The following NWD2 variants were observed in gnomAD, a reference collection of about 807,000 sequenced individuals.
The protein encoded by NWD2 is NACHT and WD repeat domain-containing protein 2.
NWD2 carries 37 observed loss-of-function variants against 132.7 expected under a neutral mutation model. That is an observed-to-expected ratio of 0.28 (90% CI 0.21 to 0.37). NWD2 has a LOEUF of 0.37. Among genes scored for constraint, NWD2 ranks in the 10% least tolerant of loss-of-function variants. The pLI is 1.00. For synonymous variants in NWD2, 705 were observed against 803.0 expected, an observed-to-expected ratio of 0.88 and a Z score of 2.06; for missense variants, 1,592 against 2,122.4, an observed-to-expected ratio of 0.75 and a Z score of 4.91.
chr4:37,362,640 C>T (rs1347802330), intron 3 of NWD2, among the ~76,000 whole-genome samples: 2 of 152,128 alleles, frequency 1.3e-5, no homozygotes, highest in Non-Finnish European at 2.9e-5. Flanking sequence ...AATTGGACCC[C>T]TATCCTTCAC....
At chr4:37,302,010 A>C (rs1718621090) in intron 1 of NWD2, among the ~76,000 whole-genome samples, 1 of 151,996 alleles carries the variant, frequency 6.6e-6, no homozygotes, top group Non-Finnish European at 1.5e-5. Context: ...ATACACAATA[A>C]ATTATTGTTA....
chr4:37,359,479 G>A (rs1472034250), intron 3 of NWD2, among the ~76,000 whole-genome samples: 3 of 151,894 alleles, frequency 2.0e-5, no homozygotes, highest in Admixed American at 1.3e-4. Flanking sequence ...CAGTTTCCTC[G>A]CCCAGTGCTC....
chr4:37,446,340 T>C lies in NWD2; in HGVS notation c.4352T>C (p.Val1451Ala). Residue 1451 changes from valine to alanine, a missense_variant, in exon 7 of 7, where the codon GTG (valine) becomes GCG (alanine). Coordinates refer to ENST00000309447, the MANE Select transcript of NWD2 (RefSeq NM_001144990.2). This position sits in a 1 kb window ranked among gnomAD's most constrained non-coding sequence, Gnocchi z 6.7. ...NAFITSANTF[V>A]VGMTKSKVLA... is the part of the protein sequence containing the mutation. ...TTTATTACCTCCGCAAATACCTTCGTGGTGGGAATGACTAAAAGCAAAGTG... is the reference window on the plus strand; with the variant it reads ...TTTATTACCTCCGCAAATACCTTCGCGGTGGGAATGACTAAAAGCAAAGTG... The C allele has an allele frequency of 6.4e-7, 1 of 1,551,864 alleles. No individual in the cohort carries two copies.
chr4:37,430,983 G>C (rs935342395), intron 4 of NWD2, among the ~76,000 whole-genome samples: 1 of 152,132 alleles, frequency 6.6e-6, no homozygotes, highest in Admixed American at 6.6e-5. Flanking sequence ...CTTTACACCT[G>C]TTAGGATGGC....
intron 2 of NWD2, among the ~76,000 whole-genome samples, chr4:37,344,241 G>A (rs549911324): frequency 1.1e-4 from 17 of 152,192 alleles, no homozygotes; most frequent in Admixed American, 7.2e-4. Context: ...TTGATCATGC[G>A]GATATATGGC....
chr4:37,340,726 C>A (rs1719503366), intron 2 of NWD2, among the ~76,000 whole-genome samples: 1 of 152,210 alleles, frequency 6.6e-6, no homozygotes, highest in Admixed American at 6.5e-5. Flanking sequence ...CATACTTTCA[C>A]AGGCAAATCT....
chr4:37,419,737 A>G (rs901499553), intron 3 of NWD2, among the ~76,000 whole-genome samples: 9 of 152,196 alleles, frequency 5.9e-5, no homozygotes, highest in African/African-American at 2.2e-4. Context: ...CTTAGAGCAG[A>G]CTTACGTACC....
chr4:37,396,926 G>A (rs188716802), intron 3 of NWD2, among the ~76,000 whole-genome samples: 172 of 152,210 alleles, frequency 1.1e-3, no homozygotes, highest in African/African-American at 3.6e-3. Context: ...CCAGCTACTC[G>A]GGAGGCTGAA....
intron 3 of NWD2, among the ~76,000 whole-genome samples, chr4:37,414,899 T>G (rs1208374491): frequency 6.6e-6 from 1 of 152,182 alleles, no homozygotes; most frequent in Non-Finnish European, 1.5e-5. Flanking sequence ...CATTGTTGGA[T>G]TCTATATTTT....
intron 1 of NWD2, among the ~76,000 whole-genome samples, chr4:37,275,813 A>T (rs959291248): frequency 3.9e-5 from 6 of 152,170 alleles, no homozygotes; most frequent in African/African-American, 1.4e-4. Flanking sequence ...CAACTATCTG[A>T]TCTTTGACAA....
In NWD2 at chr4:37,439,152, T is replaced by C; in HGVS notation, c.1058T>C (p.Ile353Thr). ...GKQFYEDMID[I>T]IQATIQQNFD... is the part of the protein sequence containing the mutation. ...CAATTTTATGAGGACATGATTGATA[T>C]AATTCAGGCAACGATACAACAGAAT... is the stretch of plus-strand genomic sequence containing the variant. Residue 353 changes from isoleucine (I) to threonine (T), a missense_variant, in exon 6 of 7, where the codon ATA (isoleucine) becomes ACA (threonine). Around this residue, in one of 7 missense-constraint regions of NWD2, gnomAD observed 1,071 missense variants for 1,398.0 expected, o/e 0.77. Coordinates refer to ENST00000309447, the MANE Select transcript of NWD2 (RefSeq NM_001144990.2). This position sits in a 1 kb window ranked among gnomAD's most constrained non-coding sequence, Gnocchi z 4.5. The C allele has an allele frequency of 6.4e-7, 1 of 1,551,012 alleles. No individual in the cohort carries two copies. Among genetic ancestry groups the C allele is most frequent in the Non-Finnish European group, 8.7e-7 (1 of 1,146,548 alleles).
intron 1 of NWD2, among the ~76,000 whole-genome samples, chr4:37,300,523 C>T (rs1236197193): frequency 6.6e-6 from 1 of 151,764 alleles, no homozygotes; most frequent in Admixed American, 6.6e-5. Context: ...TTTTTCTTCC[C>T]AAAATTAAAA....
chr4:37,294,677 G>T (rs1233396247), intron 1 of NWD2, among the ~76,000 whole-genome samples: 1 of 152,186 alleles, frequency 6.6e-6, no homozygotes, highest in African/African-American at 2.4e-5. Context: ...CGATAGATTT[G>T]ACTATTTTTA....
chr4:37,430,525 A>G, intron 3 of NWD2, 47 bp from the exon 4 acceptor site: 1 of 1,348,740 alleles, frequency 7.4e-7, no homozygotes, highest in Non-Finnish European at 1.0e-6. Flanking sequence ...TACTAAAATG[A>G]ACTTTCTTGG....
At chr4:37,369,588 A>C (rs1341667211) in intron 3 of NWD2, among the ~76,000 whole-genome samples, 1 of 152,236 alleles carries the variant, frequency 6.6e-6, no homozygotes, top group Admixed American at 6.5e-5. Flanking sequence ...GTTGAATCAT[A>C]AAATCAGTGT....
Position 37,438,490 on chromosome 4 carries a change from C to G in NWD2, c.707-311C>G, listed in dbSNP as rs557602788. On this transcript the variant is annotated intron_variant, in intron 5 of 6. Coordinates refer to ENST00000309447, the MANE Select transcript of NWD2 (RefSeq NM_001144990.2). ...TCTGAAGTCTGAGAGGAAAACTGAG[C>G]AGCAATTAGAAATAGTAGATATTAG... is the stretch of plus-strand genomic sequence containing the variant. Among the ~76,000 whole-genome samples, 88 of 152,198 alleles carry G rather than the reference C, an allele frequency of 5.8e-4. No individual in the cohort carries two copies. In the Middle Eastern group the frequency reaches 0.01, roughly 18 times the overall value.
At chr4:37,381,499 G>A (rs1720452541) in intron 3 of NWD2, among the ~76,000 whole-genome samples, 1 of 152,118 alleles carries the variant, frequency 6.6e-6, no homozygotes. Flanking sequence ...ATCTGTCAGG[G>A]CAGGACTACC....
At chr4:37,359,674 G>A (rs1307391410) in intron 3 of NWD2, among the ~76,000 whole-genome samples, 1 of 152,066 alleles carries the variant, frequency 6.6e-6, no homozygotes, top group Non-Finnish European at 1.5e-5. Flanking sequence ...ATAAATTAAG[G>A]ACCAGATGAA....
chr4:37,250,207 T>C (rs550314456), intron 1 of NWD2, among the ~76,000 whole-genome samples: 185 of 151,864 alleles, frequency 1.2e-3, no homozygotes, highest in African/African-American at 4.4e-3. Context: ...TACAAGAACA[T>C]CTTTAAAACC....
Sources: gnomAD v4.1 joint callset for allele counts (sites outside exome capture counted in the v4.1 genomes callset) on GRCh38, gnomAD v4.1.1 for gene constraint, gnomAD v4.1.1 regional missense constraint, Gnocchi (gnomAD v3.1) non-coding constraint, MANE v1.5 for transcripts, NCBI Gene and HGNC (gene_info 2026-07-23, HGNC 2026-07-21) for gene names.